Variants in IL5RA observed in about 807,000 individuals in gnomAD.
IL5RA encodes the protein interleukin 5 receptor subunit alpha, also known as interleukin-5 receptor subunit alpha.
IL5RA carries 49 observed loss-of-function variants against 50.0 expected under a neutral mutation model. The observed-to-expected ratio is 0.98, with a 90% CI of 0.78 to 1.24. IL5RA has a LOEUF of 1.24. Ranked by LOEUF, IL5RA falls within the 50% of genes most tolerant of loss-of-function variation. The pLI is 0.00. For synonymous variants in IL5RA, 202 were observed against 174.0 expected, an observed-to-expected ratio of 1.16 and a Z score of -1.26; for missense variants, 600 against 500.4, an observed-to-expected ratio of 1.20 and a Z score of -1.90.
chr3:3,089,629 G>C (rs1305237722), intron 9 of IL5RA, among the ~76,000 whole-genome samples: 3 of 151,838 alleles, frequency 2.0e-5, no homozygotes, highest in East Asian at 1.9e-4. Context: ...AATCACAAAG[G>C]TTGGCTACCA....
rs112089797 is a variant in IL5RA at position 3,089,840 on chromosome 3, G to C, written c.994+2384C>G. ...GTTTCACCATGTTAGCCAGGATGGT[G>C]TCGATCTCCTGATCTGCCCACCTCG... On this transcript the variant is annotated intron_variant, in intron 9 of 11. Coordinates refer to ENST00000446632, the MANE Select transcript of IL5RA (RefSeq NM_175726.4). The C allele has an allele frequency of 9.2e-3, 1,533 of 167,452 alleles. 27 individuals carry two copies. Among genetic ancestry groups the C allele is most frequent in the African/African-American group, 0.031 (1,304 of 41,730 alleles). 10.4% of individuals were successfully genotyped at this position (167,452 alleles called of 1,614,324 possible).
At chr3:3,079,065 C>G (rs1702579688) in intron 9 of IL5RA, among the ~76,000 whole-genome samples, 1 of 152,102 alleles carries the variant, frequency 6.6e-6, no homozygotes, top group Admixed American at 6.6e-5. Flanking sequence ...TCTTAGATGG[C>G]CCTTCTCCCC....
At chr3:3,084,366 C>T (rs163551) in intron 9 of IL5RA, among the ~76,000 whole-genome samples, 115,809 of 152,112 alleles carry the variant, frequency 0.76, 44,565 homozygotes, top group African/African-American at 0.87. Flanking sequence ...TAAACTCAGG[C>T]CAGGAGAAAT....
At chr3:3,106,002 C>G (rs763722136) in intron 2 of IL5RA, among the ~76,000 whole-genome samples, 1 of 152,162 alleles carries the variant, frequency 6.6e-6, no homozygotes, top group Non-Finnish European at 1.5e-5. Flanking sequence ...CGTGCTCCCC[C>G]CAGAGATTTG....
intron 5 of IL5RA, 145 bp from the exon 6 acceptor site, chr3:3,098,435 C>G: frequency 1.4e-6 from 1 of 704,202 alleles, no homozygotes; most frequent in Non-Finnish European, 2.4e-6. Flanking sequence ...TGAGACAGAG[C>G]CTCACTCTGT....
At chr3:3,086,731 G>A (rs1221089709) in intron 9 of IL5RA, among the ~76,000 whole-genome samples, 1 of 152,086 alleles carries the variant, frequency 6.6e-6, no homozygotes, top group Non-Finnish European at 1.5e-5. Flanking sequence ...TCTTCCAAAG[G>A]AGAAGTCACT....
At chr3:3,098,826 C>A (rs548028822) in intron 5 of IL5RA, among the ~76,000 whole-genome samples, 78 of 152,124 alleles carry the variant, frequency 5.1e-4, no homozygotes, top group Non-Finnish European at 4.9e-4. Flanking sequence ...TTGTTTGGGG[C>A]CTGGGGGTGG....
At position 3,104,904 on chromosome 3, in the gene IL5RA, C is replaced by G; in HGVS notation, c.81G>C (p.Lys27Asn). 1 of 1,590,742 alleles carries G rather than the reference C, an allele frequency of 6.3e-7. No individual in the cohort carries two copies. The highest frequency in any genetic ancestry group is 8.6e-7 in the Non-Finnish European group (1 of 1,159,138). ...ILQADLLPDE[K>N]ISLLPPVNFT... ...TTGAATTGAATAGAAGGTCCTTACT[C>G]TTTTCATCAGGAAGTAAGTCAGCTT... is the stretch of plus-strand genomic sequence containing the variant. The change falls in exon 3 of 12, where the codon AAG becomes AAC. Residue 27 changes from lysine to asparagine, a missense_variant and splice_region_variant. Coordinates refer to ENST00000446632, the MANE Select transcript of IL5RA (RefSeq NM_175726.4).
chr3:3,096,276 C>G (rs1386077241), intron 7 of IL5RA, among the ~76,000 whole-genome samples: 5 of 53,316 alleles, frequency 9.4e-5, no homozygotes, highest in Non-Finnish European at 1.3e-4. Flanking sequence ...AGAAATCTGT[C>G]TCAAAAAAAA....
At chr3:3,089,745 C>G (rs894072903) in intron 9 of IL5RA, among the ~76,000 whole-genome samples, 6 of 151,964 alleles carry the variant, frequency 3.9e-5, no homozygotes, top group Admixed American at 3.9e-4. Flanking sequence ...TCTCCTGCCT[C>G]CCGAGTAGCT....
At chr3:3,089,919 T>C in intron 9 of IL5RA, 1 of 264,082 alleles carries the variant, frequency 3.8e-6, no homozygotes, top group Non-Finnish European at 7.2e-6. Context: ...ATCCCCAAGA[T>C]CTCTTAAATA....
chr3:3,067,123 T>G lies in IL5RA; in HGVS notation c.*3102A>C, dbSNP rs1051628178. ...GCTATGACAAGGCTGGTGAGAACAG[T>G]ATAGACCACTCACAGTGAGCCACTT... is the stretch of plus-strand genomic sequence containing the variant. On this transcript the variant is annotated 3_prime_UTR_variant, in exon 12 of 12. Coordinates refer to ENST00000446632, the MANE Select transcript of IL5RA (RefSeq NM_175726.4). 6.6e-6 allele frequency: 1 copy of G among 152,242 alleles called. No individual in the cohort carries two copies. The highest frequency in any genetic ancestry group is 2.4e-5 in the African/African-American group (1 of 41,458). The allele number at this position is 152,242 out of a possible 1,614,324, so 9.4% of individuals were successfully genotyped here.
At chr3:3,070,422 T>C (rs1702259957) in intron 11 of IL5RA, 111 bp from the exon 12 acceptor site, 1 of 668,388 alleles carries the variant, frequency 1.5e-6, no homozygotes, top group Non-Finnish European at 2.6e-6. Flanking sequence ...ATAGTAAATG[T>C]TCACAAAGAA....
intron 4 of IL5RA, among the ~76,000 whole-genome samples, chr3:3,102,204 G>C (rs335826): frequency 0.18 from 28,146 of 152,162 alleles, 2,881 homozygotes; most frequent in Non-Finnish European, 0.24. Flanking sequence ...TGTAGCAGGT[G>C]CCTGAATGTA....
At chr3:3,098,684 C>T (rs942531549) in intron 5 of IL5RA, among the ~76,000 whole-genome samples, 2 of 152,170 alleles carry the variant, frequency 1.3e-5, no homozygotes, top group Non-Finnish European at 2.9e-5. Context: ...GAATTACAGG[C>T]ATGAGCCACC....
At chr3:3,071,956 G>C (rs1420178975) in intron 11 of IL5RA, among the ~76,000 whole-genome samples, 1 of 152,188 alleles carries the variant, frequency 6.6e-6, no homozygotes, top group Non-Finnish European at 1.5e-5. Flanking sequence ...GGGTGGCAGA[G>C]CTCCTCTAAG....
intron 9 of IL5RA, among the ~76,000 whole-genome samples, chr3:3,081,132 A>C (rs959673268): frequency 6.6e-6 from 1 of 152,138 alleles, no homozygotes; most frequent in Admixed American, 6.5e-5. Context: ...GTCTTCCTAA[A>C]TCCTACAGAT....
At position 3,074,813 on chromosome 3, in the gene IL5RA, A is replaced by G; in HGVS notation, c.1145T>C (p.Ile382Thr). Residue 382 changes from isoleucine (I) to threonine (T), a missense_variant, in exon 11 of 12, where the codon ATC becomes ACC. By Grantham distance (89) the Ile-to-Thr change is moderately conservative (BLOSUM62 -1). Transcript: ENST00000446632. ...GTTAGTGGTTACAAAGAGATCTTTG[A>G]TATTACTTTTTGGTGCTGGAATTGG... is the stretch of plus-strand genomic sequence containing the variant. Reference protein sequence around the residue: ...FPPIPAPKSNIKDLFVTTNYE... With the variant: ...FPPIPAPKSNTKDLFVTTNYE... 2 of 1,609,544 alleles carry G rather than the reference A, an allele frequency of 1.2e-6. No homozygotes were observed. Among genetic ancestry groups the G allele is most frequent in the Non-Finnish European group, 1.7e-6 (2 of 1,175,816 alleles).
At position 3,095,353 on chromosome 3, in the gene IL5RA, G is replaced by A. The variant is rs1444227803; in HGVS notation, c.801C>T (p.Ile267=). Residue 267 remains isoleucine (I), a synonymous_variant, in exon 8 of 12, where the codon ATC becomes ATT. Transcript: ENST00000446632. Reference sequence around the variant, plus strand: ...TTTTTACTTCATAATCAAAGCAATGGATTGGAAAAGCAGACACTGGTTTCT... The same window carrying A: ...TTTTTACTTCATAATCAAAGCAATGAATTGGAAAAGCAGACACTGGTTTCT... ...QWEKPVSAFP[I]HCFDYEVKIH... is the part of the protein sequence containing the mutation. 1.2e-6 allele frequency: 2 copies of A among 1,608,948 alleles called. No homozygotes were observed. Among genetic ancestry groups the A allele is most frequent in the South Asian group, 2.2e-5 (2 of 90,888 alleles).
Sources: gnomAD v4.1 joint callset for allele counts (sites outside exome capture counted in the v4.1 genomes callset) on GRCh38, gnomAD v4.1.1 for gene constraint, MANE v1.5 for transcripts, NCBI Gene and HGNC (gene_info 2026-07-23, HGNC 2026-07-21) for gene names.